The following UBE2H variants were observed in gnomAD, a reference collection of about 807,000 sequenced individuals.
UBE2H encodes ubiquitin conjugating enzyme E2 H.
A neutral mutation model predicts 29.0 loss-of-function variants in UBE2H; 3 were observed. The ratio of observed to expected loss-of-function variants is 0.10; its 90% confidence interval spans 0.05 to 0.27. The LOEUF (loss-of-function observed/expected upper bound fraction) is 0.27, where lower values mean the gene tolerates loss of function less well. UBE2H is among the 10% of genes least tolerant of loss of function. The pLI, the probability that UBE2H is intolerant of heterozygous loss-of-function variation, is 1.00. For synonymous variants in UBE2H, 69 were observed against 82.9 expected, an observed-to-expected ratio of 0.83 and a Z score of 0.91; for missense variants, 68 against 228.2, an observed-to-expected ratio of 0.30 and a Z score of 4.52.
At chr7:129,932,929 G>A (rs1300365406) in intron 1 of UBE2H, among the ~76,000 whole-genome samples, 1 of 152,050 alleles carries the variant, frequency 6.6e-6, no homozygotes, top group Admixed American at 6.6e-5. Flanking sequence ...TCCCTAGGGG[G>A]CTCCAGACAT....
intron 1 of UBE2H, among the ~76,000 whole-genome samples, chr7:129,901,153 TCAGA>T (rs1478655319): frequency 1.3e-5 from 2 of 152,244 alleles, no homozygotes; most frequent in African/African-American, 4.8e-5. Context: ...GTTCCTCACC[TCAGA>T]CAGAACTGTC....
Position 129,866,731 on chromosome 7 carries a change from G to A in UBE2H, c.206-7790C>T, listed in dbSNP as rs551881174. On this transcript the variant is annotated intron_variant, in intron 3 of 6. Transcript: ENST00000355621. ...TACCCCAAAAATGTGTGTAACTGAT[G>A]TAACAATACATTTTTTAAAAAGGAC... 2.9e-4 allele frequency among the ~76,000 whole-genome samples: 44 copies of A among 152,276 alleles called. 1 individual carries two copies. The East Asian group carries it at 8.3e-3, about 29-fold the overall frequency.
chr7:129,855,185 T>C (rs1363908703), intron 5 of UBE2H, among the ~76,000 whole-genome samples: 1 of 152,224 alleles, frequency 6.6e-6, no homozygotes, highest in Non-Finnish European at 1.5e-5. Context: ...TCAGTGAAAC[T>C]GTTATTTTTT....
intron 1 of UBE2H, among the ~76,000 whole-genome samples, chr7:129,952,232 T>A (rs1807891726): frequency 6.6e-6 from 1 of 150,768 alleles, no homozygotes; most frequent in Non-Finnish European, 1.5e-5. Flanking sequence ...GTCTCGGGAG[T>A]CCAAACGTCG....
intron 1 of UBE2H, among the ~76,000 whole-genome samples, chr7:129,899,753 C>T (rs1428765450): frequency 1.3e-5 from 2 of 152,188 alleles, no homozygotes; most frequent in East Asian, 1.9e-4. Context: ...TAGTCTGATA[C>T]GGCATCACTT....
chr7:129,834,943 C>T lies in UBE2H; in HGVS notation c.546G>A (p.Glu182=), dbSNP rs1805294808. The change falls in exon 7 of 7, where the codon GAG becomes GAA. Residue 182 remains glutamate, a synonymous_variant. Coordinates refer to ENST00000355621, the MANE Select transcript of UBE2H (RefSeq NM_003344.4). ...AAAGCAGGTGCTTTTTCTACTACAACTCCATATCCTGGGCCTCATCTTCGG... is the reference window on the plus strand; with the variant it reads ...AAAGCAGGTGCTTTTTCTACTACAATTCCATATCCTGGGCCTCATCTTCGG... The part of the protein sequence containing the change: ...DFSEDEAQDM[E]L 6.2e-7 allele frequency: 1 copy of T among 1,613,068 alleles called. No individual in the cohort carries two copies. Among genetic ancestry groups the T allele is most frequent in the Non-Finnish European group, 8.5e-7 (1 of 1,180,014 alleles).
At chr7:129,939,974 G>A (rs1222040464) in intron 1 of UBE2H, among the ~76,000 whole-genome samples, 2 of 151,266 alleles carry the variant, frequency 1.3e-5, no homozygotes, top group Non-Finnish European at 3.0e-5. Context: ...AAAAAAGAAA[G>A]AAAGAAAGAA....
chr7:129,884,592 A>AT (rs760022598), intron 1 of UBE2H, among the ~76,000 whole-genome samples: 3,519 of 133,612 alleles, frequency 0.026, 151 homozygotes, highest in African/African-American at 0.081. Flanking sequence ...ACGAATTACT[A>AT]TTTTTTTTTT....
At chr7:129,860,206 T>G (rs1450531553) in intron 3 of UBE2H, among the ~76,000 whole-genome samples, 1 of 152,184 alleles carries the variant, frequency 6.6e-6, no homozygotes. Flanking sequence ...CAAGTCCAAG[T>G]AGTCCAGTCT....
In UBE2H at chr7:129,833,210, T is replaced by C. The variant is rs1805262550; in HGVS notation, c.*1727A>G. On this transcript the variant is annotated 3_prime_UTR_variant, in exon 7 of 7. Coordinates refer to ENST00000355621, the MANE Select transcript of UBE2H (RefSeq NM_003344.4). ...ATCATGCTAAAAGCAAGTTGTACTT[T>C]ATATAGATTTTCAAACAAAAGATTG... 1.3e-5 allele frequency: 2 copies of C among 152,622 alleles called. No individual in the cohort carries two copies. Among genetic ancestry groups the C allele is most frequent in the South Asian group, 4.1e-4 (2 of 4,834 alleles). The allele number at this position is 152,622 out of a possible 1,614,324, so 9.5% of individuals were successfully genotyped here. A position where few individuals can be genotyped will look rare whatever the true frequency, so the allele number is the denominator to read the frequency against.
At chr7:129,871,480 C>G (rs1222052013) in intron 3 of UBE2H, among the ~76,000 whole-genome samples, 1 of 152,062 alleles carries the variant, frequency 6.6e-6, no homozygotes, top group Non-Finnish European at 1.5e-5. Context: ...TTTGGGAGGC[C>G]AAGGCAGGCA....
In UBE2H at chr7:129,834,637, T is replaced by C. The variant is rs1805289140; in HGVS notation, c.*300A>G. Reference sequence around the variant, plus strand: ...TCACATCTACCTATCAGAGCGGCTATTTCCTTCGACAGTTCAGTAGCACAC... The same window carrying C: ...TCACATCTACCTATCAGAGCGGCTACTTCCTTCGACAGTTCAGTAGCACAC... On this transcript the variant is annotated 3_prime_UTR_variant, in exon 7 of 7. Coordinates refer to ENST00000355621, the MANE Select transcript of UBE2H (RefSeq NM_003344.4). 1 of 216,298 alleles carries C rather than the reference T, an allele frequency of 4.6e-6. No individual in the cohort carries two copies. The highest frequency in any genetic ancestry group is 9.1e-6 in the Non-Finnish European group (1 of 110,030). The allele number at this position is 216,298 out of a possible 1,614,324, so 13.4% of individuals were successfully genotyped here. A position where few individuals can be genotyped will look rare whatever the true frequency, so the allele number is the denominator to read the frequency against.
chr7:129,894,987 A>C (rs2116407614), intron 1 of UBE2H, among the ~76,000 whole-genome samples: 1 of 152,370 alleles, frequency 6.6e-6, no homozygotes, highest in East Asian at 1.9e-4. Flanking sequence ...TAACAAGTCC[A>C]CAATGAAATT....
chr7:129,850,577 G>A (rs1270995380), intron 5 of UBE2H, among the ~76,000 whole-genome samples: 1 of 152,160 alleles, frequency 6.6e-6, no homozygotes, highest in African/African-American at 2.4e-5. Flanking sequence ...CAGTACTTTG[G>A]GAGGCCGAGG....
At chr7:129,931,505 A>C (rs1807399349) in intron 1 of UBE2H, among the ~76,000 whole-genome samples, 1 of 152,158 alleles carries the variant, frequency 6.6e-6, no homozygotes, top group South Asian at 2.1e-4. Flanking sequence ...TATAAATATA[A>C]ATCATCTTTA....
intron 3 of UBE2H, among the ~76,000 whole-genome samples, chr7:129,869,739 C>T (rs573587545): frequency 6.6e-6 from 1 of 152,288 alleles, no homozygotes; most frequent in Non-Finnish European, 1.5e-5. Flanking sequence ...TTTGGGAGGA[C>T]AGGGGTGGTG....
intron 5 of UBE2H, among the ~76,000 whole-genome samples, chr7:129,853,687 A>G (rs1805648832): frequency 6.6e-6 from 1 of 152,234 alleles, no homozygotes; most frequent in African/African-American, 2.4e-5. Flanking sequence ...GGCAAAGAGA[A>G]AACAGGATAA....
intron 1 of UBE2H, among the ~76,000 whole-genome samples, chr7:129,887,387 A>G (rs139420977): frequency 0.062 from 9,369 of 151,762 alleles, 360 homozygotes; most frequent in Non-Finnish European, 0.091. Flanking sequence ...ACACCCGGCT[A>G]ATTTTTGTAT....
chr7:129,906,423 T>C (rs1386182595), intron 1 of UBE2H, among the ~76,000 whole-genome samples: 1 of 152,102 alleles, frequency 6.6e-6, no homozygotes, highest in East Asian at 1.9e-4. Context: ...CAGGCTGGTC[T>C]CGAACTCCTG....
Sources: gnomAD v4.1 joint callset for allele counts (sites outside exome capture counted in the v4.1 genomes callset) on GRCh38, gnomAD v4.1.1 for gene constraint, MANE v1.5 for transcripts, NCBI Gene and HGNC (gene_info 2026-07-23, HGNC 2026-07-21) for gene names.